RERG: variants seen among roughly 807,000 people sequenced by gnomAD.
RERG encodes RAS like estrogen regulated growth inhibitor.
A neutral mutation model predicts 23.2 loss-of-function variants in RERG; 25 were observed. That is an observed-to-expected ratio of 1.08 (90% CI 0.79 to 1.50). The LOEUF is 1.50. Among genes scored for constraint, RERG ranks in the 40% most tolerant of loss-of-function variants. RERG has a pLI of 0.00. For synonymous variants in RERG, 81 were observed against 89.1 expected, an observed-to-expected ratio of 0.91 and a Z score of 0.51; for missense variants, 253 against 250.1, an observed-to-expected ratio of 1.01 and a Z score of -0.08.
intron 3 of RERG, among the ~76,000 whole-genome samples, chr12:15,116,623 T>C (rs1385487644): frequency 1.3e-5 from 2 of 151,850 alleles, no homozygotes; most frequent in Non-Finnish European, 2.9e-5. Context: ...TTTTAAGCAT[T>C]TTTTTTTCTT....
chr12:15,158,066 T>C (rs1246738591), intron 2 of RERG, among the ~76,000 whole-genome samples: 1 of 152,158 alleles, frequency 6.6e-6, no homozygotes, highest in African/African-American at 2.4e-5. Context: ...TTTTGTAGGA[T>C]AACAAAAGTA....
chr12:15,197,678 A>G (rs1029876786), intron 2 of RERG, among the ~76,000 whole-genome samples: 1 of 152,150 alleles, frequency 6.6e-6, no homozygotes, highest in African/African-American at 2.4e-5. Flanking sequence ...ATTTGCCTTT[A>G]TGGGCCCTCA....
intron 2 of RERG, among the ~76,000 whole-genome samples, chr12:15,168,723 C>T (rs552571148): frequency 2.0e-5 from 3 of 152,162 alleles, no homozygotes; most frequent in Non-Finnish European, 4.4e-5. Context: ...CATATCAACT[C>T]GCCATGATAA....
chr12:15,162,408 A>G (rs1864628252), intron 2 of RERG, among the ~76,000 whole-genome samples: 1 of 152,240 alleles, frequency 6.6e-6, no homozygotes, highest in Admixed American at 6.5e-5. Context: ...TATAAATATT[A>G]ACTATACAGG....
intron 2 of RERG, among the ~76,000 whole-genome samples, chr12:15,190,855 G>A (rs556079175): frequency 2.0e-5 from 3 of 152,200 alleles, no homozygotes; most frequent in East Asian, 1.9e-4. Context: ...CTTGCCAGGC[G>A]ACATTCAAGG....
Position 15,207,410 on chromosome 12 carries a change from G to T in RERG, c.61+10019C>A, listed in dbSNP as rs149678165. On this transcript the variant is annotated intron_variant, in intron 2 of 4. Transcript: ENST00000256953. Reference sequence around the variant, plus strand: ...CATTGCTCAGGTACAGATTTGGGAAGGTTTGGCTCAGCAATGGCATACGTT... The same window carrying T: ...CATTGCTCAGGTACAGATTTGGGAATGTTTGGCTCAGCAATGGCATACGTT... Among the ~76,000 whole-genome samples, 4 of 152,104 alleles carry T rather than the reference G, an allele frequency of 2.6e-5. No homozygotes were observed. The East Asian group carries it at 7.7e-4, about 29-fold the overall frequency.
At position 15,188,959 on chromosome 12, in the gene RERG, C is replaced by T. The variant is rs145354536; in HGVS notation, c.61+28470G>A. 9.9e-4 allele frequency among the ~76,000 whole-genome samples: 151 copies of T among 152,098 alleles called. 1 individual carries two copies. The East Asian group carries it at 0.021, about 21-fold the overall frequency. Reference sequence around the variant, plus strand: ...ATTTCTTGATTTCTTGATCAGTCACCAAAAAACACAAGGTGTCCCATATTG... The same window carrying T: ...ATTTCTTGATTTCTTGATCAGTCACTAAAAAACACAAGGTGTCCCATATTG... On this transcript the variant is annotated intron_variant, in intron 2 of 4. Coordinates refer to ENST00000256953, the MANE Select transcript of RERG (RefSeq NM_032918.3).
intron 2 of RERG, among the ~76,000 whole-genome samples, chr12:15,169,906 G>A (rs1376727898): frequency 1.4e-5 from 2 of 146,352 alleles, no homozygotes; most frequent in Non-Finnish European, 3.0e-5. Context: ...AAGGACACAC[G>A]TCATCTGCTA....
chr12:15,216,111 C>T (rs1233512332), intron 2 of RERG, among the ~76,000 whole-genome samples: 2 of 152,298 alleles, frequency 1.3e-5, no homozygotes, highest in Non-Finnish European at 2.9e-5. Flanking sequence ...ACACTGCCTT[C>T]CCTCCATCCT....
chr12:15,212,922 C>T (rs544356691), intron 2 of RERG, among the ~76,000 whole-genome samples: 2 of 152,126 alleles, frequency 1.3e-5, no homozygotes, highest in South Asian at 2.1e-4. Context: ...GAGAAAAAAG[C>T]AGACAAGAAA....
At chr12:15,118,570 C>T (rs904166173) in intron 3 of RERG, among the ~76,000 whole-genome samples, 1 of 152,110 alleles carries the variant, frequency 6.6e-6, no homozygotes, top group Admixed American at 6.6e-5. Flanking sequence ...TTTGTCATCC[C>T]AAATGTTAGA....
intron 3 of RERG, among the ~76,000 whole-genome samples, chr12:15,115,841 C>G (rs1381997942): frequency 6.6e-6 from 1 of 152,152 alleles, no homozygotes; most frequent in Non-Finnish European, 1.5e-5. Flanking sequence ...GCAGCTTCGC[C>G]AGCCATATCC....
At chr12:15,139,401 T>A (rs1307524689) in intron 2 of RERG, among the ~76,000 whole-genome samples, 1 of 152,100 alleles carries the variant, frequency 6.6e-6, no homozygotes, top group Admixed American at 6.5e-5. Context: ...AATCTATAGG[T>A]TAAGTTGGGA....
intron 2 of RERG, among the ~76,000 whole-genome samples, chr12:15,174,588 A>G (rs1864821414): frequency 6.6e-6 from 1 of 151,746 alleles, no homozygotes; most frequent in Non-Finnish European, 1.5e-5. Context: ...CTATTCTCAC[A>G]TTCCAATTAC....
At chr12:15,126,684 C>G (rs571332940) in intron 2 of RERG, among the ~76,000 whole-genome samples, 1 of 150,496 alleles carries the variant, frequency 6.6e-6, no homozygotes, top group African/African-American at 2.4e-5. Flanking sequence ...TTAAAATGTA[C>G]TAACTCATAT....
chr12:15,127,182 T>G (rs931571884), intron 2 of RERG, among the ~76,000 whole-genome samples: 3 of 152,246 alleles, frequency 2.0e-5, no homozygotes, highest in African/African-American at 7.2e-5. Context: ...TTATTTATAT[T>G]CTTGTATGTC....
intron 4 of RERG, among the ~76,000 whole-genome samples, chr12:15,109,863 G>A (rs957431847): frequency 1.3e-5 from 2 of 152,082 alleles, no homozygotes; most frequent in African/African-American, 4.8e-5. Context: ...CACAATTAAG[G>A]ACTTAGCAAT....
chr12:15,143,212 A>G (rs1238112839), intron 2 of RERG, among the ~76,000 whole-genome samples: 1 of 152,308 alleles, frequency 6.6e-6, no homozygotes, highest in South Asian at 2.1e-4. Flanking sequence ...ACGGTAATTA[A>G]TGAGATTTTC....
chr12:15,116,411 T>C (rs1431217683), intron 3 of RERG, among the ~76,000 whole-genome samples: 1 of 152,140 alleles, frequency 6.6e-6, no homozygotes, highest in Non-Finnish European at 1.5e-5. Context: ...CCATGATAAA[T>C]AGGGTATGTA....
Sources: allele counts gnomAD v4.1 joint callset (sites outside exome capture counted in the v4.1 genomes callset), GRCh38; gene constraint gnomAD v4.1.1; transcripts MANE v1.5; gene names NCBI Gene and HGNC (gene_info 2026-07-23, HGNC 2026-07-21).